The following ALK variants were observed in gnomAD, a reference collection of about 807,000 sequenced individuals.
The protein encoded by ALK is ALK receptor tyrosine kinase, also known as ALK tyrosine kinase receptor.
Under a neutral mutation model 163.1 loss-of-function variants are expected in ALK, and 74 were observed. The observed-to-expected ratio is 0.45, with a 90% CI of 0.38 to 0.55. The LOEUF (loss-of-function observed/expected upper bound fraction) is 0.55. ALK is among the 20% of genes least tolerant of loss of function. ALK has a pLI of 0.00. For missense variants in ALK, 2,063 were observed against 2,105.3 expected (o/e 0.98, Z 0.39); for synonymous variants, 960 against 843.2 (o/e 1.14, Z -2.40).
intron 4 of ALK, among the ~76,000 whole-genome samples, chr2:29,391,359 T>C (rs1558304191): frequency 6.6e-6 from 1 of 150,396 alleles, no homozygotes; most frequent in African/African-American, 2.5e-5. Context: ...TGGAGTGCAG[T>C]GGCACGATCT....
chr2:29,283,710 G>T (rs1665773140), intron 9 of ALK, among the ~76,000 whole-genome samples: 1 of 152,104 alleles, frequency 6.6e-6, no homozygotes, highest in Non-Finnish European at 1.5e-5. Flanking sequence ...GTTTTTAAAA[G>T]AATCTATGTA....
intron 3 of ALK, among the ~76,000 whole-genome samples, chr2:29,593,515 C>T (rs1675120105): frequency 1.3e-5 from 2 of 152,216 alleles, no homozygotes; most frequent in African/African-American, 4.8e-5. Flanking sequence ...TTCCAGAAAG[C>T]TCCTAAGGAC....
At chr2:29,649,253 CGTGT>C (rs141701874) in intron 3 of ALK, among the ~76,000 whole-genome samples, 1 of 138,400 alleles carries the variant, frequency 7.2e-6, no homozygotes, top group Non-Finnish European at 1.6e-5. Flanking sequence ...AAAGTGCGTG[CGTGT>C]GTGTGTGTGT....
chr2:29,423,539 C>A (rs1307499085), intron 4 of ALK, among the ~76,000 whole-genome samples: 1 of 152,248 alleles, frequency 6.6e-6, no homozygotes, highest in Admixed American at 6.5e-5. Context: ...AGTACCTCTT[C>A]AATTTTCTCT....
At chr2:29,496,540 T>C (rs1490578461) in intron 4 of ALK, among the ~76,000 whole-genome samples, 2 of 152,204 alleles carry the variant, frequency 1.3e-5, no homozygotes, top group Admixed American at 6.5e-5. Context: ...AAACTTAGTA[T>C]ATTATGACAA....
Position 29,318,835 on chromosome 2 carries a change from G to A in ALK, c.1547-431C>T, listed in dbSNP as rs528145468. 3.9e-5 allele frequency among the ~76,000 whole-genome samples: 6 copies of A among 152,234 alleles called. No individual in the cohort carries two copies. In the South Asian group the frequency reaches 1.2e-3, roughly 32 times the overall value. On this transcript the variant is annotated intron_variant, in intron 7 of 28. Coordinates refer to ENST00000389048, the MANE Select transcript of ALK (RefSeq NM_004304.5). ...CCCGTCTCGGCCTCCCAAAGTGCTGGGATTACAGGCATGAGCCACTGCGCC... is the reference window on the plus strand; with the variant it reads ...CCCGTCTCGGCCTCCCAAAGTGCTGAGATTACAGGCATGAGCCACTGCGCC...
intron 1 of ALK, among the ~76,000 whole-genome samples, chr2:29,846,992 C>T (rs1572431967): frequency 6.6e-6 from 1 of 152,158 alleles, no homozygotes; most frequent in African/African-American, 2.4e-5. Flanking sequence ...TAAAAAGGAG[C>T]TTGTAAAGTA....
intron 1 of ALK, among the ~76,000 whole-genome samples, chr2:29,731,564 C>T (rs983794386): frequency 3.9e-5 from 6 of 152,178 alleles, no homozygotes; most frequent in African/African-American, 9.7e-5. Flanking sequence ...CTGCTGGCAA[C>T]AGGTATAACA....
At chr2:29,409,443 T>C (rs1165932133) in intron 4 of ALK, among the ~76,000 whole-genome samples, 1 of 152,166 alleles carries the variant, frequency 6.6e-6, no homozygotes, top group Non-Finnish European at 1.5e-5. Context: ...CCATTGGCAC[T>C]GTTTCCTGCC....
chr2:29,920,753 C>G lies in ALK; in HGVS notation c.-94G>C, dbSNP rs1162784457. 2.6e-6 allele frequency: 3 copies of G among 1,147,048 alleles called. No homozygotes were observed. Among genetic ancestry groups the G allele is most frequent in the Middle Eastern group, 2.8e-4 (1 of 3,550 alleles). The allele number at this position is 1,147,048 out of a possible 1,614,324, so 71.1% of individuals were successfully genotyped here. A position where few individuals can be genotyped will look rare whatever the true frequency, so the allele number is the denominator to read the frequency against. On this transcript the variant is annotated 5_prime_UTR_variant, in exon 1 of 29. Transcript: ENST00000389048. The stretch of plus-strand genomic sequence containing the variant: ...AAGAGGCTCTGAACAGTCCTTGGTA[C>G]CCAGCGGCTCCTTCCACCTGATCTC...
chr2:29,653,725 G>T lies in ALK; in HGVS notation c.952+41125C>A, dbSNP rs140737739. Among the ~76,000 whole-genome samples the T allele has an allele frequency of 2.8e-4, 42 of 152,168 alleles. 1 individual carries two copies. Among genetic ancestry groups the T allele is most frequent in the African/African-American group, 1.0e-3 (42 of 41,542 alleles). On this transcript the variant is annotated intron_variant, in intron 3 of 28. Transcript: ENST00000389048. ...AAGATACACGGTATGAGGAAGAGGT[G>T]ATTCAAAATAGGGAGATAGAGAAGA...
chr2:29,317,080 G>C lies in ALK; in HGVS notation c.1647+1224C>G, dbSNP rs185892577. Among the ~76,000 whole-genome samples, 20 of 152,242 alleles carry C rather than the reference G, an allele frequency of 1.3e-4. No individual in the cohort carries two copies. In the East Asian group the frequency reaches 3.9e-3, roughly 29 times the overall value. ...GTTTTTATTTTATGAGAAACTCGAGGGGCTTGATTCTGCCTGCATCCCTTA... is the reference window on the plus strand; with the variant it reads ...GTTTTTATTTTATGAGAAACTCGAGCGGCTTGATTCTGCCTGCATCCCTTA... On this transcript the variant is annotated intron_variant, in intron 8 of 28. Coordinates refer to ENST00000389048, the MANE Select transcript of ALK (RefSeq NM_004304.5).
At chr2:29,454,419 A>G (rs1489897767) in intron 4 of ALK, among the ~76,000 whole-genome samples, 1 of 152,156 alleles carries the variant, frequency 6.6e-6, no homozygotes, top group African/African-American at 2.4e-5. Flanking sequence ...GTGATGCTAT[A>G]TTTTAATTTG....
At chr2:29,735,170 G>C (rs1451431978) in intron 1 of ALK, among the ~76,000 whole-genome samples, 1 of 151,140 alleles carries the variant, frequency 6.6e-6, no homozygotes, top group Non-Finnish European at 1.5e-5. Flanking sequence ...TGGGTAAGGA[G>C]AGGATGAGGC....
chr2:29,452,185 C>T (rs947806696), intron 4 of ALK, among the ~76,000 whole-genome samples: 1 of 152,174 alleles, frequency 6.6e-6, no homozygotes, highest in Non-Finnish European at 1.5e-5. Flanking sequence ...TTGTCTTCTA[C>T]ACTTGGCCCC....
chr2:29,448,671 G>A (rs1480724564), intron 4 of ALK, among the ~76,000 whole-genome samples: 3 of 152,136 alleles, frequency 2.0e-5, no homozygotes, highest in African/African-American at 7.2e-5. Flanking sequence ...AAACGGAGAG[G>A]CTGCCTTCAG....
intron 4 of ALK, among the ~76,000 whole-genome samples, chr2:29,437,512 T>A (rs1670432449): frequency 6.6e-6 from 1 of 152,044 alleles, no homozygotes; most frequent in Non-Finnish European, 1.5e-5. Flanking sequence ...AAGATCACTG[T>A]GTTACCTCCA....
intron 12 of ALK, among the ~76,000 whole-genome samples, chr2:29,241,578 T>C (rs887125981): frequency 1.3e-5 from 2 of 151,324 alleles, no homozygotes; most frequent in African/African-American, 4.9e-5. Flanking sequence ...TGGGTAGGGC[T>C]CTGAGACAAG....
chr2:29,611,315 C>T (rs917807149), intron 3 of ALK, among the ~76,000 whole-genome samples: 8 of 152,122 alleles, frequency 5.3e-5, no homozygotes, highest in Admixed American at 2.6e-4. Flanking sequence ...TGGGCAGAAC[C>T]GACAGTGCAT....
Sources: allele counts gnomAD v4.1 joint callset (sites outside exome capture counted in the v4.1 genomes callset), GRCh38; gene constraint gnomAD v4.1.1; transcripts MANE v1.5; gene names NCBI Gene and HGNC (gene_info 2026-07-23, HGNC 2026-07-21).